Variants in FOXP1 observed in about 807,000 individuals in gnomAD.
FOXP1 encodes forkhead box protein P1.
Under a neutral mutation model 98.2 loss-of-function variants are expected in FOXP1, and 15 were observed. That is an observed-to-expected ratio of 0.15 (90% confidence interval 0.10 to 0.24). The LOEUF (loss-of-function observed/expected upper bound fraction) is 0.24. FOXP1 is among the 10% of genes least tolerant of loss of function. The probability of loss-of-function intolerance (pLI) is 1.00; values close to 1 mark genes in which losing one functional copy is unlikely to be tolerated. For missense variants in FOXP1, 633 were observed against 848.5 expected (o/e 0.75, Z 3.15); for synonymous variants, 371 against 314.5 (o/e 1.18, Z -1.90).
chr3:71,127,102 T>C (rs186112302), intron 6 of FOXP1, among the ~76,000 whole-genome samples: 2 of 152,166 alleles, frequency 1.3e-5, no homozygotes, highest in Non-Finnish European at 2.9e-5. Flanking sequence ...ACTGTGGAGT[T>C]TTCTGGAAAA....
chr3:71,090,063 T>C (rs2055623962), intron 7 of FOXP1, among the ~76,000 whole-genome samples: 1 of 152,190 alleles, frequency 6.6e-6, no homozygotes, highest in African/African-American at 2.4e-5. Context: ...AAAGAAAGCC[T>C]TCAAAAAGTT....
chr3:71,012,544 T>G (rs2043803598), intron 12 of FOXP1, among the ~76,000 whole-genome samples: 1 of 152,196 alleles, frequency 6.6e-6, no homozygotes. Context: ...CATAATGCTC[T>G]CAGAGTATAA....
At chr3:71,293,203 G>A (rs995134547) in intron 5 of FOXP1, among the ~76,000 whole-genome samples, 5 of 152,170 alleles carry the variant, frequency 3.3e-5, no homozygotes, top group African/African-American at 9.7e-5. Context: ...GTGGTACGTC[G>A]TTAAGTTGCC....
At chr3:71,097,776 T>C (rs1559923002) in intron 7 of FOXP1, among the ~76,000 whole-genome samples, 2 of 152,308 alleles carry the variant, frequency 1.3e-5, no homozygotes, top group East Asian at 3.9e-4. Flanking sequence ...TGTAGAGCTC[T>C]ACATGGCACA....
intron 7 of FOXP1, among the ~76,000 whole-genome samples, chr3:71,059,145 A>G (rs544043061): frequency 6.6e-6 from 1 of 152,316 alleles, no homozygotes; most frequent in African/African-American, 2.4e-5. Context: ...TGCAATTAGC[A>G]TTTCATTTTT....
At chr3:71,268,017 CAA>C (rs377710886) in intron 5 of FOXP1, among the ~76,000 whole-genome samples, 84 of 94,992 alleles carry the variant, frequency 8.8e-4, no homozygotes, top group South Asian at 1.9e-3. Flanking sequence ...GACTCCGTCT[CAA>C]AAAAAAAAAA....
At chr3:71,256,784 T>C (rs1032178144) in intron 5 of FOXP1, among the ~76,000 whole-genome samples, 1 of 152,286 alleles carries the variant, frequency 6.6e-6, no homozygotes, top group Admixed American at 6.5e-5. Flanking sequence ...ATGGGGTAGA[T>C]ATGGGACTTA....
At chr3:71,260,837 C>T (rs1185347142) in intron 5 of FOXP1, among the ~76,000 whole-genome samples, 2 of 152,080 alleles carry the variant, frequency 1.3e-5, no homozygotes, top group East Asian at 1.9e-4. Flanking sequence ...CCCCCACGCC[C>T]GGCCTACAGT....
At chr3:71,115,600 G>T (rs1364062866) in intron 6 of FOXP1, among the ~76,000 whole-genome samples, 1 of 151,992 alleles carries the variant, frequency 6.6e-6, no homozygotes, top group Non-Finnish European at 1.5e-5. Flanking sequence ...GCCTCCCAAA[G>T]TGCTGGGATT....
chr3:71,414,505 TGTCTGCCAATTCGAGGACTTACTG>T (rs2083050987), intron 3 of FOXP1, among the ~76,000 whole-genome samples: 1 of 152,230 alleles, frequency 6.6e-6, no homozygotes, highest in South Asian at 2.1e-4. Flanking sequence ...CCAATATACT[TGTCTGCCAATTCGAGGACTTACTG>T]GGTAAGATTT....
At chr3:71,157,274 G>A (rs183335390) in intron 6 of FOXP1, among the ~76,000 whole-genome samples, 2 of 152,270 alleles carry the variant, frequency 1.3e-5, no homozygotes, top group East Asian at 3.9e-4. Flanking sequence ...AGGGGATGGA[G>A]GAGAGAATAA....
intron 7 of FOXP1, among the ~76,000 whole-genome samples, chr3:71,091,254 C>A (rs1450689559): frequency 6.6e-6 from 1 of 152,060 alleles, no homozygotes; most frequent in African/African-American, 2.4e-5. Flanking sequence ...CTTTGGGAGG[C>A]CAAGGTGGGT....
intron 19 of FOXP1, chr3:70,969,134 T>C (rs1292813616): frequency 6.6e-6 from 1 of 151,848 alleles, no homozygotes; most frequent in Non-Finnish European, 1.5e-5. Context: ...TTTTTTTTTT[T>C]TGCCTTTCCG....
At chr3:71,558,499 ATTTT>A (rs1160071071) in intron 2 of FOXP1, among the ~76,000 whole-genome samples, 1 of 141,748 alleles carries the variant, frequency 7.1e-6, no homozygotes, top group Non-Finnish European at 1.6e-5. Flanking sequence ...GTTTTTTTGG[ATTTT>A]TTTTTTTTTT....
Position 71,217,475 on chromosome 3 carries a change from A to AT in FOXP1, c.-11-19084dup, listed in dbSNP as rs1010640114. On this transcript the variant is annotated intron_variant, in intron 5 of 20. Coordinates refer to ENST00000649528, the MANE Select transcript of FOXP1 (RefSeq NM_001349338.3). ...TTCCTTAAAACTTTAATGATTTGTG[A>AT]TTTTTTTTGCTTCTGTTTCTACTTC... Among the ~76,000 whole-genome samples, 244 of 151,654 alleles carry AT rather than the reference A, an allele frequency of 1.6e-3. 3 individuals are homozygous for AT. The highest frequency in any genetic ancestry group is 5.4e-3 in the African/African-American group (222 of 41,336).
At chr3:71,524,192 C>T (rs1046636795) in intron 2 of FOXP1, among the ~76,000 whole-genome samples, 2 of 152,096 alleles carry the variant, frequency 1.3e-5, no homozygotes, top group East Asian at 1.9e-4. Context: ...TGGCAAAACC[C>T]GTCTCTAGTA....
Position 71,575,442 on chromosome 3 carries a change from TACACACACACACATAC to T in FOXP1, c.-298+6091_-298+6106del, listed in dbSNP as rs930306313. 4.0e-5 allele frequency among the ~76,000 whole-genome samples: 6 copies of T among 151,672 alleles called. No homozygotes were observed. The East Asian group carries it at 7.7e-4, about 20-fold the overall frequency. Reference sequence around the variant, plus strand: ...CTCAAGGATCTGTATTTTAATAACCTACACACACACACATACACACACACACACACAGATACAGAGG... The same window carrying T: ...CTCAAGGATCTGTATTTTAATAACCTACACACACACACACAGATACAGAGG... On this transcript the variant is annotated intron_variant, in intron 2 of 20. Transcript: ENST00000649528.
intron 3 of FOXP1, among the ~76,000 whole-genome samples, chr3:71,370,077 A>G (rs1417153851): frequency 7.9e-5 from 12 of 152,168 alleles, no homozygotes; most frequent in African/African-American, 2.9e-4. Context: ...GGTGAGGGAA[A>G]TGATCCTAGG....
chr3:71,369,746 A>G (rs917752294), intron 3 of FOXP1, among the ~76,000 whole-genome samples: 1 of 152,136 alleles, frequency 6.6e-6, no homozygotes, highest in African/African-American at 2.4e-5. Flanking sequence ...ACCCGCCACT[A>G]TGTCTTCCAA....
Sources: allele counts gnomAD v4.1 joint callset (sites outside exome capture counted in the v4.1 genomes callset), GRCh38; gene constraint gnomAD v4.1.1; transcripts MANE v1.5; gene names NCBI Gene and HGNC (gene_info 2026-07-23, HGNC 2026-07-21).